The following GNA15 variants were observed in gnomAD, a reference collection of about 807,000 sequenced individuals.
GNA15 encodes G protein subunit alpha 15, also known as guanine nucleotide-binding protein subunit alpha-15.
GNA15 carries 23 observed loss-of-function variants against 40.1 expected under a neutral mutation model. That is an observed-to-expected ratio of 0.57 (90% CI 0.41 to 0.81). The LOEUF is 0.81. Among genes scored for constraint, GNA15 ranks in the 40% least tolerant of loss-of-function variants. The probability of loss-of-function intolerance (pLI) is 0.00; values close to 1 mark genes in which losing one functional copy is unlikely to be tolerated. For synonymous variants in GNA15, 226 were observed against 210.4 expected, an observed-to-expected ratio of 1.07 and a Z score of -0.64; for missense variants, 522 against 515.8, an observed-to-expected ratio of 1.01 and a Z score of -0.12.
At chr19:3,161,741 C>T (rs1002055274) in intron 6 of GNA15, among the ~76,000 whole-genome samples, 73 of 152,282 alleles carry the variant, frequency 4.8e-4, no homozygotes, top group African/African-American at 1.7e-3. Context: ...CCAGCCCTAC[C>T]CTCCACTGTG....
In GNA15 at chr19:3,150,248, C is replaced by G. The variant is rs774052972; in HGVS notation, c.448C>G (p.Arg150Gly). The change falls in exon 3 of 7, where the codon CGT becomes GGT. Residue 150 changes from arginine (R) to glycine (G), a missense_variant. Transcript: ENST00000262958. ...TGCCGGCATCCGGGCCTGCTATGAG[C>G]GTCGGCGGGAATTCCACCTGCTCGA... is the stretch of plus-strand genomic sequence containing the variant. ...RDAGIRACYERRREFHLLDSA... is the reference protein window; with the variant it reads ...RDAGIRACYEGRREFHLLDSA... 1 of 1,606,174 alleles carries G rather than the reference C, an allele frequency of 6.2e-7. No individual in the cohort carries two copies. Among genetic ancestry groups the G allele is most frequent in the South Asian group, 1.1e-5 (1 of 90,194 alleles).
Position 3,151,475 on chromosome 19 carries a change from C to T in GNA15, c.486-232C>T, listed in dbSNP as rs763280143. On this transcript the variant is annotated intron_variant, in intron 3 of 6. Coordinates refer to ENST00000262958, the MANE Select transcript of GNA15 (RefSeq NM_002068.4). The surrounding 1 kb of genome is among the most constrained non-coding windows in gnomAD (Gnocchi z 5.0). Reference sequence around the variant, plus strand: ...ACCACTCCTCGATGAGGCCATTCCTCATGTCACGCCATCCCTCGGGTCACC... The same window carrying T: ...ACCACTCCTCGATGAGGCCATTCCTTATGTCACGCCATCCCTCGGGTCACC... Among the ~76,000 whole-genome samples, 116 of 152,272 alleles carry T rather than the reference C, an allele frequency of 7.6e-4. No homozygotes were observed. The highest frequency in any genetic ancestry group is 1.1e-3 in the Non-Finnish European group (76 of 68,006).
At position 3,150,115 on chromosome 19, in the gene GNA15, C is replaced by A. The variant is rs1270102087; in HGVS notation, c.331-16C>A. 6.2e-7 allele frequency: 1 copy of A among 1,608,832 alleles called. No individual in the cohort carries two copies. Among genetic ancestry groups the A allele is most frequent in the African/African-American group, 1.3e-5 (1 of 74,760 alleles). On this transcript the variant is annotated splice_polypyrimidine_tract_variant and intron_variant, in intron 2 of 6. Transcript: ENST00000262958. ...TCAGAAAGGCTACCCTAACTGCCCC[C>A]GTCCTCCCTCCCCAGCACCACGCTA... is the stretch of plus-strand genomic sequence containing the variant.
chr19:3,160,937 CTTTTTTTTT>C (rs149959587), intron 6 of GNA15, among the ~76,000 whole-genome samples: 6 of 101,452 alleles, frequency 5.9e-5, no homozygotes, highest in Admixed American at 2.0e-4. Context: ...GGTATGACCA[CTTTTTTTTT>C]TTTTTTTTTT....
rs1219394781 is a variant in GNA15 at position 3,155,583 on chromosome 19, C to G, written c.615-240C>G. ...ATATGGGGGTAGAAAGCAGGCAGCC[C>G]AGCACAGTAGAAGCTTGGGAAAGTC... is the stretch of plus-strand genomic sequence containing the variant. On this transcript the variant is annotated intron_variant, in intron 4 of 6. Transcript: ENST00000262958. The surrounding 1 kb of genome is among the most constrained non-coding windows in gnomAD (Gnocchi z 5.6). Among the ~76,000 whole-genome samples the G allele has an allele frequency of 6.6e-6, 1 of 152,180 alleles. No homozygotes were observed. The highest frequency in any genetic ancestry group is 2.4e-5 in the African/African-American group (1 of 41,436).
intron 6 of GNA15, among the ~76,000 whole-genome samples, chr19:3,162,034 A>AAATAAT (rs138333994): frequency 1.3e-5 from 2 of 149,964 alleles, no homozygotes; most frequent in East Asian, 2.0e-4. Flanking sequence ...CTCTGTCTCA[A>AAATAAT]AATAATAATA....
In GNA15 at chr19:3,140,343, G is replaced by A. The variant is rs139396163; in HGVS notation, c.145+3748G>A. Among the ~76,000 whole-genome samples, 467 of 152,090 alleles carry A rather than the reference G, an allele frequency of 3.1e-3. 1 individual carries two copies. The highest frequency in any genetic ancestry group is 0.011 in the African/African-American group (437 of 41,480). On this transcript the variant is annotated intron_variant, in intron 1 of 6. Transcript: ENST00000262958. ...TGTCCTCTCTTTTGCTCTTGGTATC[G>A]ATCATTTCTGCCTTTGCTCATTTTT...
At chr19:3,157,605 C>A (rs1391833353) in intron 5 of GNA15, 123 bp from the exon 6 acceptor site, 4 of 802,382 alleles carry the variant, frequency 5.0e-6, no homozygotes, top group East Asian at 5.0e-5. Flanking sequence ...CCGCCTCAGC[C>A]CCAGCCAGGC....
chr19:3,162,177 G>C (rs569418862), intron 6 of GNA15, among the ~76,000 whole-genome samples: 1 of 151,838 alleles, frequency 6.6e-6, no homozygotes, highest in African/African-American at 2.4e-5. Flanking sequence ...AGTGGCTCAC[G>C]CCTGTAATCC....
Position 3,136,477 on chromosome 19 carries a change from C to T in GNA15, c.27C>T (p.Cys9=), listed in dbSNP as rs1240374665. The stretch of plus-strand genomic sequence containing the variant: ...TGGCCCGCTCGCTGACCTGGCGCTG[C>T]TGCCCCTGGTGCCTGACGGAGGATG... MARSLTWR[C]CPWCLTEDEK... is the part of the protein sequence containing the mutation. The change falls in exon 1 of 7, where the codon TGC becomes TGT. Residue 9 remains cysteine, a synonymous_variant. Transcript: ENST00000262958. The surrounding 1 kb of genome is among the most constrained non-coding windows in gnomAD (Gnocchi z 4.9). 13 of 1,552,642 alleles carry T rather than the reference C, an allele frequency of 8.4e-6. No homozygotes were observed. The highest frequency in any genetic ancestry group is 8.7e-7 in the Non-Finnish European group (1 of 1,148,778).
chr19:3,154,783 G>A (rs1353147607), intron 4 of GNA15, among the ~76,000 whole-genome samples: 1 of 151,992 alleles, frequency 6.6e-6, no homozygotes, highest in African/African-American at 2.4e-5. Context: ...CGATGAATGG[G>A]GTGGGTGGGT....
chr19:3,157,751 A>G lies in GNA15; in HGVS notation c.768A>G (p.Ala256=), dbSNP rs1915061958. 1.9e-5 allele frequency: 30 copies of G among 1,614,038 alleles called. No homozygotes were observed. Among genetic ancestry groups the G allele is most frequent in the Non-Finnish European group, 2.5e-5 (30 of 1,179,916 alleles). Residue 256 remains alanine, a synonymous_variant, in exon 6 of 7, where the codon GCA becomes GCG. Coordinates refer to ENST00000262958, the MANE Select transcript of GNA15 (RefSeq NM_002068.4). ...NQENRMKESL[A]LFGTILELPW... is the part of the protein sequence containing the mutation. ...AGAACCGCATGAAGGAGAGCCTCGC[A>G]TTGTTTGGGACTATCCTGGAACTAC...
intron 1 of GNA15, among the ~76,000 whole-genome samples, chr19:3,145,359 A>ATATATATATATATATT: frequency 1.3e-3 from 63 of 46,954 alleles, no homozygotes; most frequent in East Asian, 0.011. Context: ...ATATATATAT[A>ATATATATATATATATT]TTTTTTTTTT....
At chr19:3,148,874 AGG>A in intron 2 of GNA15, 99 bp downstream of exon 2, 11 of 1,118,360 alleles carry the variant, frequency 9.8e-6, no homozygotes, top group Non-Finnish European at 1.4e-5. Context: ...ACTTCAGGGC[AGG>A]GCAGGGCAGG....
At position 3,151,975 on chromosome 19, in the gene GNA15, C is replaced by A; in HGVS notation, c.614+140C>A. The stretch of plus-strand genomic sequence containing the variant: ...AGCTGCCAAGCTAGGGGAAGCAAAG[C>A]TCCATGTAGACACCTCCAGGCCCCC... On this transcript the variant is annotated intron_variant, in intron 4 of 6. Transcript: ENST00000262958. The surrounding 1 kb of genome is among the most constrained non-coding windows in gnomAD (Gnocchi z 5.0). 1 of 606,304 alleles carries A rather than the reference C, an allele frequency of 1.6e-6. No homozygotes were observed. Among genetic ancestry groups the A allele is most frequent in the Non-Finnish European group, 2.8e-6 (1 of 360,326 alleles). The allele number at this position is 606,304 out of a possible 1,614,324, so 37.6% of individuals were successfully genotyped here.
chr19:3,148,536 T>G (rs1599324208), intron 1 of GNA15, 55 bp from the exon 2 acceptor site: 3 of 1,444,160 alleles, frequency 2.1e-6, no homozygotes, highest in Admixed American at 2.2e-5. Context: ...GGGTTGGGGG[T>G]GTCGGGGGTG....
At chr19:3,143,956 TA>T (rs71179974) in intron 1 of GNA15, among the ~76,000 whole-genome samples, 74,304 of 149,770 alleles carry the variant, frequency 0.5, 19,225 homozygotes, top group African/African-American at 0.64. Flanking sequence ...CCGTCTCTAC[TA>T]AAAAAAAACA....
intron 1 of GNA15, among the ~76,000 whole-genome samples, chr19:3,145,069 G>A (rs1914679106): frequency 1.3e-5 from 2 of 151,844 alleles, no homozygotes; most frequent in Admixed American, 1.3e-4. Flanking sequence ...TGGTCAGGCT[G>A]GTCTCGAACT....
chr19:3,158,603 C>G (rs551751507), intron 6 of GNA15, among the ~76,000 whole-genome samples: 1 of 151,940 alleles, frequency 6.6e-6, no homozygotes, highest in Non-Finnish European at 1.5e-5. Flanking sequence ...AAGAATGATT[C>G]TTTTTCTTTT....
Sources: allele counts gnomAD v4.1 joint callset (sites outside exome capture counted in the v4.1 genomes callset), GRCh38; gene constraint gnomAD v4.1.1; non-coding constraint Gnocchi (gnomAD v3.1); transcripts MANE v1.5; gene names NCBI Gene and HGNC (gene_info 2026-07-23, HGNC 2026-07-21).